The following FABP6 variants were observed in gnomAD, a reference collection of about 807,000 sequenced individuals.
FABP6 encodes the protein gastrotropin.
Under a neutral mutation model 14.9 loss-of-function variants are expected in FABP6, and 13 were observed. The observed-to-expected ratio is 0.87, with a 90% CI of 0.57 to 1.39. The LOEUF (loss-of-function observed/expected upper bound fraction) is 1.39. FABP6 is among the 40% of genes most tolerant of loss of function. FABP6 has a pLI of 0.00. For synonymous variants in FABP6, 75 were observed against 63.6 expected (o/e 1.18, Z -0.85); for missense variants, 161 against 167.2 (o/e 0.96, Z 0.20).
intron 3 of FABP6, among the ~76,000 whole-genome samples, chr5:160,235,693 T>G (rs1353447929): frequency 2.6e-5 from 4 of 151,384 alleles, no homozygotes; most frequent in Non-Finnish European, 5.9e-5. Context: ...CCTTCCCTCC[T>G]CCCTGAAGCT....
intron 2 of FABP6, chr5:160,199,304 C>A (rs1465402346): frequency 1.3e-6 from 1 of 773,520 alleles, no homozygotes; most frequent in Non-Finnish European, 2.2e-6. Context: ...AAGCCCTTTT[C>A]CTCCTTTCAG....
At chr5:160,214,506 G>T (rs1470017876) in intron 3 of FABP6, among the ~76,000 whole-genome samples, 3 of 150,528 alleles carry the variant, frequency 2.0e-5, no homozygotes, top group East Asian at 2.0e-4. Flanking sequence ...TAGAGACGGG[G>T]TCTCCCTGTG....
At chr5:160,227,651 C>T (rs1429565531), upstream of FABP6, among the ~76,000 whole-genome samples, 1 of 151,600 alleles carries the variant, frequency 6.6e-6, no homozygotes, top group Admixed American at 6.6e-5. Context: ...ACACACGGCA[C>T]TCCAGCCTGG....
At chr5:160,205,131 T>C (rs924135292) in intron 2 of FABP6, among the ~76,000 whole-genome samples, 2 of 151,770 alleles carry the variant, frequency 1.3e-5, no homozygotes, top group East Asian at 3.9e-4. Context: ...TTTGGCAGAG[T>C]TATGATAAGG....
rs927682372 is a variant in FABP6, at chr5:160,205,959, TTTTTC to T, written c.51+6816_51+6820del. 1.2e-3 allele frequency among the ~76,000 whole-genome samples: 185 copies of T among 152,286 alleles called. 1 individual carries two copies. The highest frequency in any genetic ancestry group is 8.2e-4 in the Non-Finnish European group (56 of 68,010). On this transcript the variant is annotated intron_variant, in intron 2 of 6. Coordinates refer to the FABP6 transcript ENST00000393980. ...ATTTATTGTTCAAGGTCTCTTTTCTTTTTTCTTTTCTTTTCTTTCTTTTCTTTTTC... is the reference window on the plus strand; with the variant it reads ...ATTTATTGTTCAAGGTCTCTTTTCTTTTTTCTTTTCTTTCTTTTCTTTTTC...
intron 2 of FABP6, among the ~76,000 whole-genome samples, chr5:160,205,507 A>C (rs1759743978): frequency 6.6e-6 from 1 of 152,098 alleles, no homozygotes; most frequent in South Asian, 2.1e-4. Flanking sequence ...TTCTCCTAGC[A>C]ACCTTGTTTT....
chr5:160,220,390 G>A (rs1760104709), intron 3 of FABP6, among the ~76,000 whole-genome samples: 1 of 152,058 alleles, frequency 6.6e-6, no homozygotes, highest in African/African-American at 2.4e-5. Context: ...CAGAAGGATC[G>A]CTTGAGTCCA....
chr5:160,206,865 G>A (rs577478894), intron 2 of FABP6, among the ~76,000 whole-genome samples: 1 of 152,272 alleles, frequency 6.6e-6, no homozygotes, highest in South Asian at 2.1e-4. Context: ...GGTCATGGAT[G>A]CTAGACACAG....
intron 2 of FABP6, among the ~76,000 whole-genome samples, chr5:160,212,749 G>A (rs1195042255): frequency 2.0e-5 from 3 of 152,188 alleles, no homozygotes; most frequent in East Asian, 1.9e-4. Context: ...GATTACAGGT[G>A]TGAGCCACCG....
intron 3 of FABP6, among the ~76,000 whole-genome samples, chr5:160,218,281 A>G (rs1760058298): frequency 6.6e-6 from 1 of 151,922 alleles, no homozygotes; most frequent in Non-Finnish European, 1.5e-5. Context: ...TATTATCCAG[A>G]TTTTGCAGAT....
intron 1 of FABP6, among the ~76,000 whole-genome samples, chr5:160,191,704 G>A (rs535718568): frequency 1.5e-4 from 23 of 151,180 alleles, no homozygotes; most frequent in Middle Eastern, 3.5e-3. Context: ...GCTCACGCCT[G>A]TAATCCCAGC....
chr5:160,202,087 A>G (rs375612476), intron 2 of FABP6, among the ~76,000 whole-genome samples: 2 of 152,068 alleles, frequency 1.3e-5, no homozygotes, highest in Non-Finnish European at 2.9e-5. Context: ...TTCATTCTTC[A>G]TTTATTCTTT....
intron 2 of FABP6, among the ~76,000 whole-genome samples, chr5:160,204,339 TA>T (rs1346695144): frequency 1.3e-5 from 2 of 148,842 alleles, no homozygotes; most frequent in Non-Finnish European, 3.0e-5. Flanking sequence ...AAGATAAAAA[TA>T]AAAATAAATA....
rs574644960 is a variant in FABP6 at position 160,230,040 on chromosome 5, A to T, written c.67+416A>T. ...AGGTGTGCACCACCACGCCCGGCTA[A>T]TTTTTTTTTTTTGTATTTTTTTAGT... On this transcript the variant is annotated intron_variant, in intron 1 of 3. Transcript: ENST00000402432. 8.9e-3 allele frequency among the ~76,000 whole-genome samples: 1,288 copies of T among 144,502 alleles called. 15 individuals carry two copies. The highest frequency in any genetic ancestry group is 0.032 in the African/African-American group (1,247 of 39,104). The allele number at this position is 144,502 out of a possible 152,430, so 94.8% of individuals were successfully genotyped here.
intron 1 of FABP6, 155 bp from the exon 2 acceptor site, chr5:160,231,943 G>A (rs113884739): frequency 3.7e-5 from 28 of 747,566 alleles, no homozygotes; most frequent in African/African-American, 2.3e-4. Context: ...CTCACAGCAC[G>A]TATTAGCTGT....
At chr5:160,218,475 T>TTTTG in intron 3 of FABP6, among the ~76,000 whole-genome samples, 1 of 149,070 alleles carries the variant, frequency 6.7e-6, no homozygotes, top group Non-Finnish European at 1.5e-5. Context: ...TTTTTTTTTT[T>TTTTG]TTTGAGATGG....
intron 2 of FABP6, among the ~76,000 whole-genome samples, chr5:160,210,646 C>A (rs1284565664): frequency 2.0e-5 from 3 of 152,230 alleles, no homozygotes; most frequent in Non-Finnish European, 4.4e-5. Flanking sequence ...TAGAGCAGTG[C>A]ACCCCAGGGA....
chr5:160,210,794 A>C (rs1427038833), intron 2 of FABP6, among the ~76,000 whole-genome samples: 1 of 152,202 alleles, frequency 6.6e-6, no homozygotes, highest in Admixed American at 6.5e-5. Context: ...CTAGAGATTT[A>C]ATAAGGCTAA....
intron 3 of FABP6, among the ~76,000 whole-genome samples, chr5:160,220,117 G>C (rs979123203): frequency 6.6e-6 from 1 of 152,168 alleles, no homozygotes; most frequent in African/African-American, 2.4e-5. Flanking sequence ...ACTTTGTGAA[G>C]GGTTAAATTA....
Sources: gnomAD v4.1 joint callset for allele counts (sites outside exome capture counted in the v4.1 genomes callset) on GRCh38, gnomAD v4.1.1 for gene constraint, MANE v1.5 for transcripts, NCBI Gene and HGNC (gene_info 2026-07-23, HGNC 2026-07-21) for gene names.